The following SEL1L3 variants were observed in gnomAD, a reference collection of about 807,000 sequenced individuals.
SEL1L3 encodes protein sel-1 homolog 3.
In SEL1L3, 76 loss-of-function variants were observed where a neutral mutation model predicts 142.8. That is an observed-to-expected ratio of 0.53 (90% CI 0.44 to 0.64). The LOEUF (loss-of-function observed/expected upper bound fraction) is 0.64. SEL1L3 is among the 30% of genes least tolerant of loss of function. The pLI is 0.00. For missense variants in SEL1L3, 1,262 were observed against 1,381.7 expected (o/e 0.91, Z 1.37); for synonymous variants, 504 against 519.6 (o/e 0.97, Z 0.41).
rs1189013318 is a variant in SEL1L3, at chr4:25,802,338, T to C, written c.1901A>G (p.Tyr634Cys). ...PLDWELSYAY[Y>C]SNIATKTPLD... ...GGGTGTCTTGGTGGCAATGTTGCTG[T>C]AGTAGGCATACGACAGTTCCCAGTC... The change falls in exon 11 of 24, where the codon TAC (tyrosine) becomes TGC (cysteine). Residue 634 changes from tyrosine (Y) to cysteine (C), a missense_variant. By Grantham distance (194) the Tyr-to-Cys change is radical. Transcript: ENST00000399878. 1 of 1,613,680 alleles carries C rather than the reference T, an allele frequency of 6.2e-7. No homozygotes were observed. Among genetic ancestry groups the C allele is most frequent in the Non-Finnish European group, 8.5e-7 (1 of 1,179,842 alleles).
intron 2 of SEL1L3, among the ~76,000 whole-genome samples, chr4:25,840,306 C>T (rs939982412): frequency 6.6e-6 from 1 of 151,990 alleles, no homozygotes; most frequent in Admixed American, 6.6e-5. Flanking sequence ...GGAACTAGGT[C>T]TGTTTTTTTT....
the SEL1L3 span, chr4:25,719,321 C>T: frequency 9.2e-5 from 14 of 152,076 alleles, no homozygotes; most frequent in African/African-American, 2.9e-4. Flanking sequence ...TGCATTGAGG[C>T]GTTCTGGTTG....
At chr4:25,834,736 C>T (rs1436735016) in intron 3 of SEL1L3, among the ~76,000 whole-genome samples, 1 of 152,156 alleles carries the variant, frequency 6.6e-6, no homozygotes, top group African/African-American at 2.4e-5. Context: ...TGAGGTGAAC[C>T]AGGAACCATT....
chr4:25,858,044 C>G (rs993224034), intron 1 of SEL1L3, among the ~76,000 whole-genome samples: 2 of 152,258 alleles, frequency 1.3e-5, no homozygotes, highest in Admixed American at 6.5e-5. Flanking sequence ...CCTCCTGCCC[C>G]TCGGCTCCTT....
rs114521485 is a variant in SEL1L3, at chr4:25,828,531, C to T, written c.1157+1567G>A. Among the ~76,000 whole-genome samples, 469 of 151,542 alleles carry T rather than the reference C, an allele frequency of 3.1e-3. 1 individual carries two copies. Among genetic ancestry groups the T allele is most frequent in the African/African-American group, 0.011 (439 of 41,296 alleles). On this transcript the variant is annotated intron_variant, in intron 6 of 23. Coordinates refer to ENST00000399878, the MANE Select transcript of SEL1L3 (RefSeq NM_015187.5). ...CCTTAAGTAGCTGGGATTACAGGTG[C>T]GCACCACCATGACCAGCTAATTTTT...
At chr4:25,823,909 A>G (rs1416130412) in intron 6 of SEL1L3, among the ~76,000 whole-genome samples, 9 of 152,160 alleles carry the variant, frequency 5.9e-5, no homozygotes, top group Non-Finnish European at 2.9e-5. Context: ...CCCAAGCCCT[A>G]GCAGGTGCAC....
rs944390247 is a variant in SEL1L3 at position 25,807,290 on chromosome 4, A to G, written c.1565-2538T>C. 3.9e-5 allele frequency among the ~76,000 whole-genome samples: 6 copies of G among 151,948 alleles called. No individual in the cohort carries two copies. The East Asian group carries it at 1.2e-3, about 29-fold the overall frequency. Reference sequence around the variant, plus strand: ...GCATTGAACATCCTCGAACATTTCCACTTCCCTCTGCTAATCTGTTAGGAT... The same window carrying G: ...GCATTGAACATCCTCGAACATTTCCGCTTCCCTCTGCTAATCTGTTAGGAT... On this transcript the variant is annotated intron_variant, in intron 9 of 23. Coordinates refer to ENST00000399878, the MANE Select transcript of SEL1L3 (RefSeq NM_015187.5).
intron 3 of SEL1L3, among the ~76,000 whole-genome samples, chr4:25,834,069 T>C (rs920768508): frequency 6.6e-6 from 1 of 152,252 alleles, no homozygotes; most frequent in Admixed American, 6.5e-5. Context: ...TATGTGATAA[T>C]AGGGACACAT....
At chr4:25,764,295 C>T (rs978401665) in intron 20 of SEL1L3, among the ~76,000 whole-genome samples, 2 of 152,156 alleles carry the variant, frequency 1.3e-5, no homozygotes, top group Non-Finnish European at 2.9e-5. Flanking sequence ...ATGTGGGATC[C>T]TGGATTGAAT....
At chr4:25,847,158 G>A in intron 2 of SEL1L3, 136 bp downstream of exon 2, 1 of 697,276 alleles carries the variant, frequency 1.4e-6, no homozygotes. Flanking sequence ...AAACTCCAAA[G>A]TTACAGACTC....
rs1015383616 is a variant in SEL1L3 at position 25,755,976 on chromosome 4, G to A, written c.3259+1558C>T. 8.1e-6 allele frequency: 8 copies of A among 985,260 alleles called. No homozygotes were observed. The African/African-American group carries it at 1.4e-4, about 17-fold the overall frequency. The allele number at this position is 985,260 out of a possible 1,614,324, so 61.0% of individuals were successfully genotyped here. Reference sequence around the variant, plus strand: ...GAAGTTTATTAACCAGCAGACTATGGGGCATCAAGCCTGGAAGGTTTTGAT... The same window carrying A: ...GAAGTTTATTAACCAGCAGACTATGAGGCATCAAGCCTGGAAGGTTTTGAT... On this transcript the variant is annotated intron_variant, in intron 23 of 23. Coordinates refer to ENST00000399878, the MANE Select transcript of SEL1L3 (RefSeq NM_015187.5).
At chr4:25,728,133 T>A in the SEL1L3 span, among the ~76,000 whole-genome samples, 5 of 152,284 alleles carry the variant, frequency 3.3e-5, no homozygotes, top group East Asian at 1.9e-4. Flanking sequence ...AGAATGACCA[T>A]TAGTGTTTCT....
chr4:25,795,799 C>T (rs1712694748), intron 11 of SEL1L3, among the ~76,000 whole-genome samples: 1 of 152,140 alleles, frequency 6.6e-6, no homozygotes, highest in Non-Finnish European at 1.5e-5. Flanking sequence ...TCTGTGAAAG[C>T]AGACCACCTA....
At chr4:25,834,219 G>A (rs1249293996) in intron 3 of SEL1L3, among the ~76,000 whole-genome samples, 2 of 152,172 alleles carry the variant, frequency 1.3e-5, no homozygotes, top group Admixed American at 1.3e-4. Flanking sequence ...GTGACTTGTA[G>A]AGTGAGGATA....
chr4:25,862,592 G>T, intron 1 of SEL1L3, 83 bp downstream of exon 1: 1 of 678,812 alleles, frequency 1.5e-6, no homozygotes, highest in Non-Finnish European at 2.0e-6. Flanking sequence ...CCCGCCCCGC[G>T]TGGCGGGTGT....
chr4:25,823,804 A>T (rs1004866993), intron 6 of SEL1L3, among the ~76,000 whole-genome samples: 3 of 152,122 alleles, frequency 2.0e-5, no homozygotes, highest in Admixed American at 1.3e-4. Context: ...GTGACGATGG[A>T]TGGGGACAGG....
intron 12 of SEL1L3, among the ~76,000 whole-genome samples, chr4:25,790,034 C>T (rs1013350790): frequency 6.6e-6 from 1 of 152,176 alleles, no homozygotes; most frequent in Non-Finnish European, 1.5e-5. Flanking sequence ...CCCCAGGGTG[C>T]ATCTTGTTTT....
chr4:25,793,660 A>G (rs1340620819), intron 11 of SEL1L3, among the ~76,000 whole-genome samples: 1 of 152,106 alleles, frequency 6.6e-6, no homozygotes, highest in Non-Finnish European at 1.5e-5. Context: ...TTAATTCACC[A>G]CTACTTACCT....
chr4:25,717,971 CATGGGGGCA>C, the SEL1L3 span: 1 of 152,124 alleles, frequency 6.6e-6, no homozygotes, highest in Non-Finnish European at 1.5e-5. Context: ...TATTATCAGG[CATGGGGGCA>C]TGAGCTGTCA....
Sources: allele counts gnomAD v4.1 joint callset (sites outside exome capture counted in the v4.1 genomes callset), GRCh38; gene constraint gnomAD v4.1.1; transcripts MANE v1.5; gene names NCBI Gene and HGNC (gene_info 2026-07-23, HGNC 2026-07-21).